The following CYFIP1 variants were observed in gnomAD, a reference collection of about 807,000 sequenced individuals.
The protein encoded by CYFIP1 is cytoplasmic FMR1-interacting protein 1.
In CYFIP1, 58 loss-of-function variants were observed where a neutral mutation model predicts 163.5. The ratio of observed to expected loss-of-function variants is 0.35; its 90% CI spans 0.29 to 0.44. The LOEUF is 0.44. Ranked by LOEUF, CYFIP1 falls within the 20% of genes least tolerant of loss-of-function variation. The pLI is 1.00. For missense variants in CYFIP1, 1,338 were observed against 1,653.8 expected, an observed-to-expected ratio of 0.81 and a Z score of 3.31; for synonymous variants, 663 against 660.7, an observed-to-expected ratio of 1.00 and a Z score of -0.05.
intron 14 of CYFIP1, 145 bp downstream of exon 14, chr15:22,918,547 A>C: frequency 1.4e-6 from 1 of 718,754 alleles, no homozygotes; most frequent in Non-Finnish European, 2.1e-6. Context: ...CATTACTTTT[A>C]GAGGTAATTC....
At chr15:22,959,742 G>A (rs1344172459) in intron 1 of CYFIP1, among the ~76,000 whole-genome samples, 1 of 152,104 alleles carries the variant, frequency 6.6e-6, no homozygotes, top group Non-Finnish European at 1.5e-5. Flanking sequence ...GTCCTGCGGC[G>A]CCCGGCTGAG....
At position 22,881,855 on chromosome 15, in the gene CYFIP1, C is replaced by A; in HGVS notation, c.2902G>T (p.Gly968Cys). 1 of 1,610,896 alleles carries A rather than the reference C, an allele frequency of 6.2e-7. No homozygotes were observed. Among genetic ancestry groups the A allele is most frequent in the Non-Finnish European group, 8.5e-7 (1 of 1,179,928 alleles). The change falls in exon 25 of 31, where the codon GGC becomes TGC. Residue 968 changes from glycine (G) to cysteine (C), a missense_variant. Around this residue, in one of 4 missense-constraint regions of CYFIP1, gnomAD observed 824 missense variants for 995.7 expected, o/e 0.83. Transcript: ENST00000617928. ...KICRLPRHEY[G>C]SPGILEFFHH... ...ACACGCCCGCACTCACCAGGAGAGCCGTACTCGTGCCGGGGCAGGCGGCAG... is the reference window on the plus strand; with the variant it reads ...ACACGCCCGCACTCACCAGGAGAGCAGTACTCGTGCCGGGGCAGGCGGCAG...
At chr15:22,964,983 C>T (rs774045599) in intron 1 of CYFIP1, among the ~76,000 whole-genome samples, 4 of 151,952 alleles carry the variant, frequency 2.6e-5, no homozygotes, top group Non-Finnish European at 5.9e-5. Context: ...CCAGGTTTAT[C>T]CTTGTCACAA....
In CYFIP1 at chr15:22,914,894, C is replaced by A; in HGVS notation, c.1829-12G>T. The A allele has an allele frequency of 6.3e-7, 1 of 1,598,218 alleles. No homozygotes were observed. The highest frequency in any genetic ancestry group is 8.5e-7 in the Non-Finnish European group (1 of 1,173,710). On this transcript the variant is annotated splice_polypyrimidine_tract_variant and intron_variant, in intron 16 of 30. Coordinates refer to ENST00000617928, the MANE Select transcript of CYFIP1 (RefSeq NM_014608.6). ...CTGCTGCAGCGTTTCTGGGAGGGTT[C>A]AAACAACTCCATGTTATCTCCCGCA...
At chr15:22,904,220 C>T (rs2060496061) in intron 21 of CYFIP1, 1 of 437,414 alleles carries the variant, frequency 2.3e-6, no homozygotes, top group Non-Finnish European at 4.2e-6. Context: ...CCCGCTGAGC[C>T]CCGGCCCTGC....
intron 1 of CYFIP1, among the ~76,000 whole-genome samples, chr15:22,967,558 C>T (rs1595727665): frequency 6.6e-6 from 1 of 152,022 alleles, no homozygotes; most frequent in Non-Finnish European, 1.5e-5. Context: ...AGGGCCCGGC[C>T]CCACCACAGC....
chr15:22,975,441 CAAAAAAAAAAAAAA>C (rs35556120), intron 1 of CYFIP1, among the ~76,000 whole-genome samples: 1 of 71,350 alleles, frequency 1.4e-5, no homozygotes, highest in African/African-American at 6.0e-5. Context: ...GACTCCGTCT[CAAAAAAAAAAAAAA>C]AAAAAAAAAA....
At chr15:22,913,087 T>C (rs1334571635) in intron 17 of CYFIP1, among the ~76,000 whole-genome samples, 1 of 151,994 alleles carries the variant, frequency 6.6e-6, no homozygotes, top group African/African-American at 2.4e-5. Context: ...TCCCAGCTAC[T>C]CAGGAGGCTG....
At chr15:22,909,094 T>C (rs2060692848) in intron 21 of CYFIP1, 100 bp downstream of exon 21, 1 of 1,478,660 alleles carries the variant, frequency 6.8e-7, no homozygotes, top group Non-Finnish European at 9.3e-7. Flanking sequence ...AGAGGCTTGG[T>C]ATAGGCCACG....
At chr15:22,906,615 G>A (rs992936245) in intron 21 of CYFIP1, among the ~76,000 whole-genome samples, 4 of 151,904 alleles carry the variant, frequency 2.6e-5, no homozygotes, top group East Asian at 1.9e-4. Context: ...ACAGGCGTCC[G>A]CCATCAAGCC....
chr15:22,884,626 T>G (rs999075773), intron 23 of CYFIP1, among the ~76,000 whole-genome samples: 1 of 152,118 alleles, frequency 6.6e-6, no homozygotes, highest in African/African-American at 2.4e-5. Context: ...CAGTACAAGC[T>G]GACTGGGGTC....
At chr15:22,969,694 C>G (rs1006452929) in intron 1 of CYFIP1, among the ~76,000 whole-genome samples, 1 of 152,102 alleles carries the variant, frequency 6.6e-6, no homozygotes, top group Non-Finnish European at 1.5e-5. Context: ...ACAAGATACT[C>G]AAATCAAAAG....
intron 6 of CYFIP1, among the ~76,000 whole-genome samples, chr15:22,942,344 G>A (rs1242509272): frequency 6.6e-6 from 1 of 152,228 alleles, no homozygotes; most frequent in Non-Finnish European, 1.5e-5. Context: ...CTTAGCAGAG[G>A]AAATTGAAAT....
At chr15:22,914,963 CT>C in intron 16 of CYFIP1, 81 bp from the exon 17 acceptor site, 1 of 1,442,158 alleles carries the variant, frequency 6.9e-7, no homozygotes, top group African/African-American at 1.4e-5. Flanking sequence ...GGGCTGTGTG[CT>C]GGGTGCCTGC....
chr15:22,959,060 A>C (rs1355361265), intron 1 of CYFIP1, among the ~76,000 whole-genome samples: 1 of 152,124 alleles, frequency 6.6e-6, no homozygotes, highest in Non-Finnish European at 1.5e-5. Flanking sequence ...GACAATGAGA[A>C]CATGCACCTC....
intron 1 of CYFIP1, among the ~76,000 whole-genome samples, chr15:22,970,012 T>C (rs1042329885): frequency 7.2e-5 from 11 of 152,168 alleles, no homozygotes; most frequent in African/African-American, 2.7e-4. Context: ...TCCATAATAA[T>C]TATTAGTTAG....
intron 21 of CYFIP1, chr15:22,904,884 T>C: frequency 6.6e-6 from 1 of 152,306 alleles, no homozygotes; most frequent in South Asian, 2.1e-4. Context: ...GGACACGCAC[T>C]GTGCCCGCCA....
intron 5 of CYFIP1, 97 bp from the exon 6 acceptor site, chr15:22,943,451 A>C (rs749797177): frequency 3.3e-5 from 44 of 1,331,344 alleles, no homozygotes; most frequent in Non-Finnish European, 4.5e-5. Context: ...CTCCTCGATG[A>C]GAAACGATCT....
chr15:22,916,785 C>A (rs377212782), intron 15 of CYFIP1, 155 bp from the exon 16 acceptor site: 1 of 1,589,138 alleles, frequency 6.3e-7, no homozygotes. Context: ...TGCCTGTCTA[C>A]GCGGCCACGT....
Sources: gnomAD v4.1 joint callset for allele counts (sites outside exome capture counted in the v4.1 genomes callset) on GRCh38, gnomAD v4.1.1 for gene constraint, gnomAD v4.1.1 regional missense constraint, MANE v1.5 for transcripts, NCBI Gene and HGNC (gene_info 2026-07-23, HGNC 2026-07-21) for gene names.